Variants in MCM8 observed in about 807,000 individuals in gnomAD.
MCM8 encodes the protein DNA helicase MCM8.
MCM8 carries 85 observed loss-of-function variants against 98.9 expected under a neutral mutation model. The ratio of observed to expected loss-of-function variants is 0.86; its 90% CI spans 0.72 to 1.03. The LOEUF is 1.03. Among genes scored for constraint, MCM8 ranks in the 50% least tolerant of loss-of-function variants. The pLI is 0.00. For synonymous variants in MCM8, 352 were observed against 338.6 expected, an observed-to-expected ratio of 1.04 and a Z score of -0.44; for missense variants, 951 against 997.8, an observed-to-expected ratio of 0.95 and a Z score of 0.63.
At chr20:5,985,085 A>G in intron 15 of MCM8, 85 bp downstream of exon 15, 2 of 1,073,696 alleles carry the variant, frequency 1.9e-6, no homozygotes, top group East Asian at 2.5e-5. Context: ...GCAGTAGGAT[A>G]CAAACTTTTT....
chr20:5,975,497 CTT>C (rs11476043), intron 12 of MCM8, among the ~76,000 whole-genome samples: 59 of 128,914 alleles, frequency 4.6e-4, no homozygotes, highest in African/African-American at 9.6e-4. Context: ...TTTTTTTGCT[CTT>C]TTTTTTTTTT....
intron 17 of MCM8, among the ~76,000 whole-genome samples, chr20:5,991,710 T>G (rs2089856494): frequency 6.6e-6 from 1 of 152,234 alleles, no homozygotes; most frequent in African/African-American, 2.4e-5. Flanking sequence ...TTTCCTTAGT[T>G]TATGAGAGCA....
chr20:5,987,400 T>A (rs369980081), intron 17 of MCM8, 42 bp downstream of exon 17: 1 of 1,518,378 alleles, frequency 6.6e-7, no homozygotes, highest in African/African-American at 1.4e-5. Flanking sequence ...AAATACCAGT[T>A]ATCTTCCCAT....
At position 5,971,801 on chromosome 20, in the gene MCM8, C is replaced by G. The variant is rs534691994; in HGVS notation, c.1224-206C>G. 2.0e-5 allele frequency among the ~76,000 whole-genome samples: 3 copies of G among 152,238 alleles called. No individual in the cohort carries two copies. In the East Asian group the frequency reaches 5.8e-4, roughly 29 times the overall value. On this transcript the variant is annotated intron_variant, in intron 10 of 18. Coordinates refer to ENST00000610722, the MANE Select transcript of MCM8 (RefSeq NM_032485.6). The stretch of plus-strand genomic sequence containing the variant: ...TTGCAAGTATCCTCTGTTCCTTATG[C>G]AGAGTTTTTAAAAAATTCTAACCTT...
In MCM8 at chr20:5,984,764, T is replaced by G; in HGVS notation, c.1734-17T>G. 1 of 1,570,928 alleles carries G rather than the reference T, an allele frequency of 6.4e-7. No individual in the cohort carries two copies. The highest frequency in any genetic ancestry group is 1.1e-5 in the South Asian group (1 of 87,914). The stretch of plus-strand genomic sequence containing the variant: ...TTGATTCCAATCATTGTTTCTTCTT[T>G]CTTTCATCCTTCATAGAATGGGGAG... On this transcript the variant is annotated splice_polypyrimidine_tract_variant and intron_variant, in intron 14 of 18. Transcript: ENST00000610722.
At chr20:5,978,102 T>C in intron 13 of MCM8, 85 bp downstream of exon 13, 5 of 1,506,944 alleles carry the variant, frequency 3.3e-6, no homozygotes, top group Non-Finnish European at 4.5e-6. Flanking sequence ...ACATTCTGTT[T>C]AAGAGAAACA....
At position 5,994,331 on chromosome 20, in the gene MCM8, A is replaced by G. The variant is rs2089913525; in HGVS notation, c.2463A>G (p.Leu821=). The change falls in exon 19 of 19, where the codon CTA becomes CTG. Residue 821 remains leucine (L), a synonymous_variant. Transcript: ENST00000610722. ...VADFENFIGS[L]NDQGYLLKKG... The stretch of plus-strand genomic sequence containing the variant: ...ATTTTGAAAATTTTATTGGATCACT[A>G]AATGACCAGGGTTACCTCTTGAAAA... 1 of 1,606,200 alleles carries G rather than the reference A, an allele frequency of 6.2e-7. No homozygotes were observed. The highest frequency in any genetic ancestry group is 8.5e-7 in the Non-Finnish European group (1 of 1,177,122).
chr20:5,978,086 T>C (rs2089551818), intron 13 of MCM8, 69 bp downstream of exon 13: 1 of 1,561,974 alleles, frequency 6.4e-7, no homozygotes, highest in African/African-American at 1.4e-5. Flanking sequence ...TTCAGTTAAT[T>C]TCTTTACATT....
At chr20:5,971,907 CTTTG>C (rs2089411275) in intron 10 of MCM8, 96 bp from the exon 11 acceptor site, 10 of 944,962 alleles carry the variant, frequency 1.1e-5, no homozygotes, top group Admixed American at 2.4e-5. Flanking sequence ...TTACATTTGT[CTTTG>C]TTGATATTAA....
intron 7 of MCM8, among the ~76,000 whole-genome samples, chr20:5,961,155 C>T (rs902532256): frequency 6.6e-6 from 1 of 152,110 alleles, no homozygotes; most frequent in African/African-American, 2.4e-5. Context: ...GCAGGAGGAT[C>T]GCTTGAGCCC....
At chr20:5,984,133 A>T (rs2089684776) in intron 14 of MCM8, among the ~76,000 whole-genome samples, 1 of 152,214 alleles carries the variant, frequency 6.6e-6, no homozygotes, top group Admixed American at 6.5e-5. Context: ...TGTGTGGAAA[A>T]GGAAAAATAT....
rs188413042 is a variant in MCM8, at chr20:5,959,736, T to C, written c.789+1010T>C. 1.1e-3 allele frequency among the ~76,000 whole-genome samples: 163 copies of C among 145,978 alleles called. 3 individuals are homozygous for C. The highest frequency in any genetic ancestry group is 7.8e-3 in the Admixed American group (112 of 14,426). ...TTTTTTGAGACGGAGTCTCGCTCTG[T>C]TGCCCGGGCTGGAGTGCAGTGGCGC... On this transcript the variant is annotated intron_variant, in intron 7 of 18. Coordinates refer to ENST00000610722, the MANE Select transcript of MCM8 (RefSeq NM_032485.6).
chr20:5,976,409 G>T (rs1255978690), intron 12 of MCM8, among the ~76,000 whole-genome samples: 1 of 152,144 alleles, frequency 6.6e-6, no homozygotes, highest in Non-Finnish European at 1.5e-5. Context: ...GCGACCCAGA[G>T]ACAGCTCACG....
chr20:5,985,712 A>C (rs1024948761), intron 15 of MCM8, among the ~76,000 whole-genome samples: 1 of 151,780 alleles, frequency 6.6e-6, no homozygotes, highest in African/African-American at 2.4e-5. Context: ...CGCCCGGCTA[A>C]TTTTTGTATT....
chr20:5,981,530 T>A (rs2089630347), intron 13 of MCM8, among the ~76,000 whole-genome samples: 1 of 152,068 alleles, frequency 6.6e-6, no homozygotes, highest in African/African-American at 2.4e-5. Context: ...ATCATTACGT[T>A]ACCAAAAAGT....
At chr20:5,961,110 A>G (rs1242496339) in intron 7 of MCM8, among the ~76,000 whole-genome samples, 2 of 152,198 alleles carry the variant, frequency 1.3e-5, no homozygotes, top group Non-Finnish European at 2.9e-5. Context: ...GCATGGTGGC[A>G]TATGCCTGTA....
chr20:5,998,395 C>A lies in MCM8; in HGVS notation c.*4004C>A, dbSNP rs1223027897. On this transcript the variant is annotated 3_prime_UTR_variant, in exon 19 of 19. Coordinates refer to ENST00000610722, the MANE Select transcript of MCM8 (RefSeq NM_032485.6). ...GCAGAACTGAGGAGAGAGCCATCTT[C>A]CTCTTGCTTGTGTTCTGGTGGCATG... 1 of 152,236 alleles carries A rather than the reference C, an allele frequency of 6.6e-6. No homozygotes were observed. Among genetic ancestry groups the A allele is most frequent in the Non-Finnish European group, 1.5e-5 (1 of 68,046 alleles). The allele number at this position is 152,236 out of a possible 1,614,324, so 9.4% of individuals were successfully genotyped here.
Position 5,996,705 on chromosome 20 carries a change from A to T in MCM8, c.*2314A>T, listed in dbSNP as rs1173285177. 6.6e-6 allele frequency: 1 copy of T among 152,224 alleles called. No homozygotes were observed. Among genetic ancestry groups the T allele is most frequent in the Non-Finnish European group, 1.5e-5 (1 of 68,042 alleles). The allele number at this position is 152,224 out of a possible 1,614,324, so 9.4% of individuals were successfully genotyped here. A position where few individuals can be genotyped will look rare whatever the true frequency, so the allele number is the denominator to read the frequency against. ...AAGGCTATTATATAAATTTATTTTT[A>T]AAAAGACATAAACCTACATTTTCAG... On this transcript the variant is annotated 3_prime_UTR_variant, in exon 19 of 19. Coordinates refer to ENST00000610722, the MANE Select transcript of MCM8 (RefSeq NM_032485.6).
At chr20:5,968,087 C>A in intron 10 of MCM8, 62 bp downstream of exon 10, 1 of 1,453,764 alleles carries the variant, frequency 6.9e-7, no homozygotes. Context: ...CTCTTGGCTA[C>A]AGGTAACAAA....
Sources: gnomAD v4.1 joint callset for allele counts (sites outside exome capture counted in the v4.1 genomes callset) on GRCh38, gnomAD v4.1.1 for gene constraint, MANE v1.5 for transcripts, NCBI Gene and HGNC (gene_info 2026-07-23, HGNC 2026-07-21) for gene names.